Variants in SMIM17 observed in about 807,000 individuals in gnomAD.
The protein encoded by SMIM17 is small integral membrane protein 17.
In SMIM17, 10 loss-of-function variants were observed where a neutral mutation model predicts 12.2. That is an observed-to-expected ratio of 0.82 (90% confidence interval 0.50 to 1.39). SMIM17 has a LOEUF of 1.39. SMIM17 is among the 40% of genes most tolerant of loss of function. The pLI is 0.00. For synonymous variants in SMIM17, 50 were observed against 44.1 expected (o/e 1.13, Z -0.53); for missense variants, 136 against 118.2 (o/e 1.15, Z -0.70).
At chr19:56,647,344 T>G (rs2045071039) in intron 2 of SMIM17, among the ~76,000 whole-genome samples, 1 of 151,450 alleles carries the variant, frequency 6.6e-6, no homozygotes, top group Admixed American at 6.6e-5. Context: ...AATCATCACA[T>G]AGGCATATGT....
At chr19:56,646,274 G>A (rs180934449) in intron 2 of SMIM17, among the ~76,000 whole-genome samples, 2 of 152,298 alleles carry the variant, frequency 1.3e-5, no homozygotes, top group African/African-American at 2.4e-5. Context: ...GATGGCAAGA[G>A]AGGGAATTCC....
At chr19:56,649,147 A>G (rs4462710) in intron 3 of SMIM17, among the ~76,000 whole-genome samples, 102,569 of 152,142 alleles carry the variant, frequency 0.67, 34,794 homozygotes, top group East Asian at 0.88. Context: ...CCACACCTGG[A>G]GTTTTCGGGA....
chr19:56,654,834 G>C (rs532959403), intron 3 of SMIM17, among the ~76,000 whole-genome samples: 1 of 152,182 alleles, frequency 6.6e-6, no homozygotes, highest in Non-Finnish European at 1.5e-5. Context: ...GGTCATTAGA[G>C]CATAGATGGT....
At chr19:56,649,650 C>T (rs1321081126) in intron 3 of SMIM17, among the ~76,000 whole-genome samples, 2 of 151,906 alleles carry the variant, frequency 1.3e-5, no homozygotes, top group South Asian at 2.1e-4. Context: ...AGAGCGGGCT[C>T]TATGCAGAGG....
At chr19:56,645,365 T>A (rs1568516678) in intron 1 of SMIM17, among the ~76,000 whole-genome samples, 1 of 152,176 alleles carries the variant, frequency 6.6e-6, no homozygotes, top group African/African-American at 2.4e-5. Flanking sequence ...CTTTCCAGCT[T>A]TGTCTCCAGA....
At chr19:56,652,662 G>GAAA (rs138292961) in intron 3 of SMIM17, among the ~76,000 whole-genome samples, 10,869 of 145,226 alleles carry the variant, frequency 0.075, 469 homozygotes, top group Middle Eastern at 0.11. Flanking sequence ...TCAAAAAAAA[G>GAAA]AAAAAAAAAA....
rs1417302522 is a variant in SMIM17, at chr19:56,655,943, C to G, written c.*730C>G. Reference sequence around the variant, plus strand: ...CTCTTGCATTTATTTTGGCGAATTACAGAGGTTTTTGTTTTTTTTTTTTTT... The same window carrying G: ...CTCTTGCATTTATTTTGGCGAATTAGAGAGGTTTTTGTTTTTTTTTTTTTT... On this transcript the variant is annotated 3_prime_UTR_variant, in exon 4 of 4. Transcript: ENST00000598409. Among the ~76,000 whole-genome samples, 2 of 146,216 alleles carry G rather than the reference C, an allele frequency of 1.4e-5. No homozygotes were observed. The highest frequency in any genetic ancestry group is 3.0e-5 in the Non-Finnish European group (2 of 67,260).
chr19:56,644,325 C>T lies in SMIM17; in HGVS notation c.-101+1115C>T, dbSNP rs549647101. 1.2e-4 allele frequency among the ~76,000 whole-genome samples: 19 copies of T among 152,320 alleles called. No individual in the cohort carries two copies. In the East Asian group the frequency reaches 1.5e-3, roughly 12 times the overall value. On this transcript the variant is annotated intron_variant, in intron 1 of 3. Coordinates refer to ENST00000598409, the MANE Select transcript of SMIM17 (RefSeq NM_001193628.2). ...TTTCTTGCCCTGAAAAATGTCTAGG[C>T]AGCCTCCTCTCCTCACTCCCAACAG...
At chr19:56,644,779 ATT>A (rs1172733844) in intron 1 of SMIM17, among the ~76,000 whole-genome samples, 1 of 129,778 alleles carries the variant, frequency 7.7e-6, no homozygotes, top group Non-Finnish European at 1.8e-5. Context: ...TGATTGACTC[ATT>A]GATTGATTTT....
intron 3 of SMIM17, among the ~76,000 whole-genome samples, chr19:56,649,955 TGCAG>T (rs1254121062): frequency 6.6e-6 from 1 of 152,062 alleles, no homozygotes; most frequent in Non-Finnish European, 1.5e-5. Flanking sequence ...GGATGTGTTT[TGCAG>T]GCAGTGGGAG....
At chr19:56,653,287 CAT>C in intron 3 of SMIM17, among the ~76,000 whole-genome samples, 1 of 152,300 alleles carries the variant, frequency 6.6e-6, no homozygotes, top group South Asian at 2.1e-4. Flanking sequence ...TAGTAAACTA[CAT>C]ATATATTTTT....
chr19:56,646,867 A>G (rs143387493), intron 2 of SMIM17, among the ~76,000 whole-genome samples: 4 of 152,250 alleles, frequency 2.6e-5, no homozygotes, highest in Non-Finnish European at 5.9e-5. Flanking sequence ...CCCATAGCAG[A>G]AAGGGGCTGA....
At position 56,656,464 on chromosome 19, in the gene SMIM17, A is replaced by C. The variant is rs559478911; in HGVS notation, c.*1251A>C. Among the ~76,000 whole-genome samples, 1 of 152,202 alleles carries C rather than the reference A, an allele frequency of 6.6e-6. No individual in the cohort carries two copies. Among genetic ancestry groups the C allele is most frequent in the African/African-American group, 2.4e-5 (1 of 41,532 alleles). The stretch of plus-strand genomic sequence containing the variant: ...AAAGAACCAACATTAGGATTCATTT[A>C]TATCCATTATTTCTTTTATTTGTAA... On this transcript the variant is annotated 3_prime_UTR_variant, in exon 4 of 4. Transcript: ENST00000598409.
At chr19:56,651,923 G>A (rs185534340) in intron 3 of SMIM17, among the ~76,000 whole-genome samples, 105 of 151,922 alleles carry the variant, frequency 6.9e-4, no homozygotes, top group Non-Finnish European at 8.1e-4. Flanking sequence ...GCATAACATG[G>A]CAAAACCCCA....
intron 3 of SMIM17, among the ~76,000 whole-genome samples, chr19:56,653,233 G>T (rs909230364): frequency 2.6e-5 from 4 of 152,248 alleles, no homozygotes; most frequent in African/African-American, 9.6e-5. Flanking sequence ...CACTTGCATG[G>T]ATTAGTTTTG....
intron 3 of SMIM17, among the ~76,000 whole-genome samples, chr19:56,654,485 A>T (rs2045133402): frequency 6.6e-6 from 1 of 152,244 alleles, no homozygotes; most frequent in Admixed American, 6.5e-5. Context: ...GGCTTTGGCC[A>T]GGGTGGTGGT....
chr19:56,648,408 T>TCCAC (rs1406266905), intron 3 of SMIM17, among the ~76,000 whole-genome samples: 1 of 150,748 alleles, frequency 6.6e-6, no homozygotes, highest in Non-Finnish European at 1.5e-5. Flanking sequence ...CATCCATCCA[T>TCCAC]CCACCCATTC....
At chr19:56,648,522 A>G (rs905540739) in intron 3 of SMIM17, among the ~76,000 whole-genome samples, 2 of 152,046 alleles carry the variant, frequency 1.3e-5, no homozygotes, top group East Asian at 1.9e-4. Context: ...TCCATCCCCT[A>G]TCCACTCAAC....
intron 3 of SMIM17, among the ~76,000 whole-genome samples, chr19:56,652,388 C>T (rs1221201315): frequency 1.3e-5 from 2 of 152,068 alleles, no homozygotes; most frequent in Non-Finnish European, 2.9e-5. Flanking sequence ...GGCGCAGTGG[C>T]TCACGCCCGT....
Sources: gnomAD v4.1 joint callset for allele counts (sites outside exome capture counted in the v4.1 genomes callset) on GRCh38, gnomAD v4.1.1 for gene constraint, MANE v1.5 for transcripts, NCBI Gene and HGNC (gene_info 2026-07-23, HGNC 2026-07-21) for gene names.